The following ZNF846 variants were observed in gnomAD, a reference collection of about 807,000 sequenced individuals.
The protein encoded by ZNF846 is zinc finger protein 846.
A neutral mutation model predicts 16.0 loss-of-function variants in ZNF846; 15 were observed. The ratio of observed to expected loss-of-function variants is 0.94; its 90% CI spans 0.63 to 1.45. The LOEUF (loss-of-function observed/expected upper bound fraction) is 1.45, where lower values mean the gene tolerates loss of function less well. Among genes scored for constraint, ZNF846 ranks in the 40% most tolerant of loss-of-function variants. ZNF846 has a pLI of 0.00. For missense variants in ZNF846, 714 were observed against 622.3 expected, an observed-to-expected ratio of 1.15 and a Z score of -1.57; for synonymous variants, 229 against 212.0, an observed-to-expected ratio of 1.08 and a Z score of -0.70.
chr19:9,781,873 G>A (rs2045505188), intron 1 of ZNF846, among the ~76,000 whole-genome samples: 1 of 151,824 alleles, frequency 6.6e-6, no homozygotes, highest in East Asian at 1.9e-4. Context: ...CCGCCTCCGG[G>A]TTCAAGGGAT....
downstream of ZNF846, among the ~76,000 whole-genome samples, chr19:9,754,142 A>G (rs2045111362): frequency 6.6e-6 from 1 of 151,546 alleles, no homozygotes; most frequent in South Asian, 2.1e-4. Context: ...TCTCTCTTCT[A>G]TCAGTTTTTT....
intron 2 of ZNF846, 133 bp from the exon 3 acceptor site, chr19:9,763,541 A>G: frequency 1.4e-6 from 1 of 721,078 alleles, no homozygotes; most frequent in East Asian, 2.8e-5. Flanking sequence ...TCCTCTATAT[A>G]GATATTGTCT....
intron 5 of ZNF846, among the ~76,000 whole-genome samples, chr19:9,759,222 T>G (rs1450734614): frequency 1.3e-5 from 2 of 151,854 alleles, no homozygotes; most frequent in Admixed American, 6.5e-5. Context: ...AGTCTCCAAC[T>G]CCTGGCCTCA....
chr19:9,749,892 G>T (rs938104920), downstream of ZNF846, among the ~76,000 whole-genome samples: 2 of 151,934 alleles, frequency 1.3e-5, no homozygotes, highest in African/African-American at 4.8e-5. Flanking sequence ...ATTAAAAAGC[G>T]GCCACACTTC....
rs374881598 is a variant in ZNF846 at position 9,757,594 on chromosome 19, C to T, written c.1483G>A (p.Val495Ile). Reference sequence around the variant, plus strand: ...GCTCCAGTGTGAGTTCGTGTGTGAACGTTAAGGTATGTGGAATACCTGAAG... The same window carrying T: ...GCTCCAGTGTGAGTTCGTGTGTGAATGTTAAGGTATGTGGAATACCTGAAG... The change falls in exon 6 of 6, where the codon GTT (valine) becomes ATT (isoleucine). Residue 495 changes from valine to isoleucine, a missense_variant. Val to Ile is a conservative substitution (Grantham distance 29). Coordinates refer to ENST00000397902, the Ensembl canonical transcript of ZNF846. 3.0e-5 allele frequency: 48 copies of T among 1,613,460 alleles called. 1 individual carries two copies. The highest frequency in any genetic ancestry group is 1.2e-4 in the African/African-American group (9 of 74,496).
chr19:9,753,467 G>A (rs567818017), downstream of ZNF846, among the ~76,000 whole-genome samples: 76 of 150,124 alleles, frequency 5.1e-4, 4 homozygotes, highest in African/African-American at 1.9e-3. Flanking sequence ...CCTTAGCCAG[G>A]ATGGTCTCAA....
chr19:9,763,708 TAAC>T (rs745372409), intron 2 of ZNF846, among the ~76,000 whole-genome samples: 39 of 152,226 alleles, frequency 2.6e-4, no homozygotes, highest in Non-Finnish European at 7.3e-5. Flanking sequence ...TAAAATCTAA[TAAC>T]AAATGAATTA....
downstream of ZNF846, among the ~76,000 whole-genome samples, chr19:9,755,254 T>A (rs1246576268): frequency 6.6e-6 from 1 of 151,494 alleles, no homozygotes; most frequent in African/African-American, 2.4e-5. Context: ...ATAGAAAAAA[T>A]TCTACTAGGG....
chr19:9,775,521 T>G (rs1455404676), intron 1 of ZNF846, among the ~76,000 whole-genome samples: 1 of 152,174 alleles, frequency 6.6e-6, no homozygotes, highest in Non-Finnish European at 1.5e-5. Flanking sequence ...AAATGCAGTT[T>G]GCAATGAAAG....
chr19:9,754,382 G>A (rs1053474464), downstream of ZNF846, among the ~76,000 whole-genome samples: 1 of 151,066 alleles, frequency 6.6e-6, no homozygotes, highest in Non-Finnish European at 1.5e-5. Context: ...TGGTCAACAT[G>A]GCAAAACCCT....
exon 6 of ZNF846, chr19:9,758,394 C>T: frequency 6.2e-7 from 1 of 1,613,204 alleles, no homozygotes; most frequent in Non-Finnish European, 8.5e-7. Context: ...ACATTCCTTA[C>T]ATACATAGTG....
At chr19:9,773,073 G>GA (rs200918405), upstream of ZNF846, among the ~76,000 whole-genome samples, 1,786 of 151,226 alleles carry the variant, frequency 0.012, 24 homozygotes, top group African/African-American at 0.04. Flanking sequence ...GAAAAGAAAA[G>GA]AAAAAAAATC....
At chr19:9,748,721 C>A (rs1195688836), downstream of ZNF846, among the ~76,000 whole-genome samples, 1 of 152,154 alleles carries the variant, frequency 6.6e-6, no homozygotes, top group Non-Finnish European at 1.5e-5. Context: ...AAAGACTGGA[C>A]AGTACTTTTA....
chr19:9,775,193 ATG>A (rs113690294), intron 1 of ZNF846, among the ~76,000 whole-genome samples: 3,169 of 149,422 alleles, frequency 0.021, 93 homozygotes, highest in African/African-American at 0.067. Flanking sequence ...GTGTATATAT[ATG>A]TGTGTGTGTG....
downstream of ZNF846, among the ~76,000 whole-genome samples, chr19:9,750,146 C>T (rs1037456155): frequency 3.3e-5 from 5 of 152,180 alleles, no homozygotes; most frequent in Admixed American, 6.5e-5. Context: ...TACTGATAAG[C>T]TCTCTATCAT....
intron 1 of ZNF846, among the ~76,000 whole-genome samples, chr19:9,777,944 C>A (rs560459789): frequency 1.2e-4 from 19 of 152,194 alleles, no homozygotes; most frequent in East Asian, 7.7e-4. Context: ...ACAGAAAAAA[C>A]CCAGCAAACA....
At chr19:9,757,654 C>G in exon 6 of ZNF846, 4 of 1,613,458 alleles carry the variant, frequency 2.5e-6, no homozygotes, top group Non-Finnish European at 2.5e-6. Flanking sequence ...TAAGGCTTTT[C>G]TCCTGTGTGC....
downstream of ZNF846, among the ~76,000 whole-genome samples, chr19:9,750,180 G>A (rs571246457): frequency 2.0e-5 from 3 of 152,084 alleles, no homozygotes; most frequent in South Asian, 6.2e-4. Context: ...AAAAACATTG[G>A]CAGTCACTAA....
downstream of ZNF846, among the ~76,000 whole-genome samples, chr19:9,749,546 CTTT>C (rs60331343): frequency 1.6e-3 from 200 of 125,516 alleles, 1 homozygote; most frequent in Admixed American, 2.3e-3. Context: ...ATAAGTCTTT[CTTT>C]TTTTTTTTTT....
Sources: allele counts gnomAD v4.1 joint callset (sites outside exome capture counted in the v4.1 genomes callset), GRCh38; gene constraint gnomAD v4.1.1; transcripts MANE v1.5; gene names NCBI Gene and HGNC (gene_info 2026-07-23, HGNC 2026-07-21).